GPN2: variants seen among roughly 807,000 people sequenced by gnomAD.
The protein encoded by GPN2 is GPN-loop GTPase 2.
A neutral mutation model predicts 30.1 loss-of-function variants in GPN2; 27 were observed. The observed-to-expected ratio is 0.90, with a 90% CI of 0.66 to 1.24. The LOEUF (loss-of-function observed/expected upper bound fraction) is 1.24. Among genes scored for constraint, GPN2 ranks in the 50% most tolerant of loss-of-function variants. GPN2 has a pLI of 0.00. For synonymous variants in GPN2, 212 were observed against 174.4 expected, an observed-to-expected ratio of 1.22 and a Z score of -1.70; for missense variants, 406 against 405.4, an observed-to-expected ratio of 1.00 and a Z score of -0.01.
chr1:26,885,816 T>C (rs2081887697), intron 3 of GPN2, among the ~76,000 whole-genome samples, 157 bp downstream of exon 3: 1 of 152,064 alleles, frequency 6.6e-6, no homozygotes, highest in South Asian at 2.1e-4. Flanking sequence ...CCTGACCTCA[T>C]GATCTGCCCA....
In GPN2 at chr1:26,890,084, C is replaced by G. The variant is rs748050314; in HGVS notation, c.13G>C (p.Ala5Pro). 2 of 1,530,028 alleles carry G rather than the reference C, an allele frequency of 1.3e-6. No homozygotes were observed. Among genetic ancestry groups the G allele is most frequent in the Non-Finnish European group, 1.7e-6 (2 of 1,145,266 alleles). The allele number at this position is 1,530,028 out of a possible 1,614,324, so 94.8% of individuals were successfully genotyped here. ...GCCTGCCCGAAGGCCGTGGTCGGAGCGGCCCCTGCCATTGGCGGCCCGCGG... is the reference window on the plus strand; with the variant it reads ...GCCTGCCCGAAGGCCGTGGTCGGAGGGGCCCCTGCCATTGGCGGCCCGCGG... MAGA[A>P]PTTAFGQAVI... is the part of the protein sequence containing the mutation. The change falls in exon 1 of 5, where the codon GCT becomes CCT. Residue 5 changes from alanine (A) to proline (P), a missense_variant. Transcript: ENST00000374135.
intron 2 of GPN2, chr1:26,886,372 A>G (rs1449537603): frequency 3.5e-6 from 2 of 564,354 alleles, no homozygotes; most frequent in Non-Finnish European, 6.7e-6. Context: ...TATAAACCCC[A>G]GTGTCTGGTA....
At chr1:26,889,635 C>G in intron 1 of GPN2, 51 bp downstream of exon 1, 1 of 1,510,306 alleles carries the variant, frequency 6.6e-7, no homozygotes. Flanking sequence ...TCTGTCCTCC[C>G]TGTCTCAGTT....
In GPN2 at chr1:26,884,680, T is replaced by C. The variant is rs575241026; in HGVS notation, c.730-390A>G. On this transcript the variant is annotated intron_variant, in intron 3 of 4. Transcript: ENST00000374135. Reference sequence around the variant, plus strand: ...TAAGTAGACATCCAATGAATATGCATGTTTTAAATCTATAACTGGGCCAGG... The same window carrying C: ...TAAGTAGACATCCAATGAATATGCACGTTTTAAATCTATAACTGGGCCAGG... Among the ~76,000 whole-genome samples the C allele has an allele frequency of 3.9e-5, 6 of 152,334 alleles. No homozygotes were observed. In the South Asian group the frequency reaches 1.2e-3, roughly 32 times the overall value.
chr1:26,885,467 CA>C (rs2081885697), intron 3 of GPN2, among the ~76,000 whole-genome samples: 1 of 151,240 alleles, frequency 6.6e-6, no homozygotes, highest in African/African-American at 2.4e-5. Context: ...ACAAAATAGA[CA>C]GGGCAAAAGT....
At chr1:26,881,605 C>A (rs961338061) in intron 4 of GPN2, among the ~76,000 whole-genome samples, 1 of 152,240 alleles carries the variant, frequency 6.6e-6, no homozygotes, top group Non-Finnish European at 1.5e-5. Context: ...CAGTGGCACA[C>A]GCCCATAGTC....
chr1:26,887,030 TA>T (rs1250056433), intron 2 of GPN2, among the ~76,000 whole-genome samples: 2 of 143,812 alleles, frequency 1.4e-5, no homozygotes, highest in African/African-American at 5.1e-5. Flanking sequence ...CAAATAATGA[TA>T]ACAAGTATGT....
At position 26,889,684 on chromosome 1, in the gene GPN2, A is replaced by G; in HGVS notation, c.411+2T>C. ...AATGGGCCTCCCCGCCCTGAGACGC[A>G]CCCTGAGGTCCCACTGCGCCATTTG... is the stretch of plus-strand genomic sequence containing the variant. On this transcript the variant is annotated splice_donor_variant, in intron 1 of 4. Transcript: ENST00000374135. LOFTEE classifies it high-confidence loss of function. The G allele has an allele frequency of 6.4e-7, 1 of 1,568,978 alleles. No individual in the cohort carries two copies. Among genetic ancestry groups the G allele is most frequent in the Non-Finnish European group, 8.7e-7 (1 of 1,154,004 alleles).
At chr1:26,884,463 A>C (rs886804433) in intron 3 of GPN2, 173 bp from the exon 4 acceptor site, 4 of 194,646 alleles carry the variant, frequency 2.1e-5, no homozygotes, top group African/African-American at 9.5e-5. Flanking sequence ...CTGACCACCA[A>C]CTCACTCAGA....
rs540464532 is a variant in GPN2 at position 26,881,318 on chromosome 1, A to C, written c.861-1569T>G. On this transcript the variant is annotated intron_variant, in intron 4 of 4. Transcript: ENST00000374135. Reference sequence around the variant, plus strand: ...TTCTTAGAACACTTACGTTAGCTGCATTTGGGCAAAATTATCTAACACAAA... The same window carrying C: ...TTCTTAGAACACTTACGTTAGCTGCCTTTGGGCAAAATTATCTAACACAAA... Among the ~76,000 whole-genome samples the C allele has an allele frequency of 2.2e-4, 33 of 152,316 alleles. No individual in the cohort carries two copies. In the South Asian group the frequency reaches 6.6e-3, roughly 31 times the overall value.
chr1:26,889,548 C>G, intron 1 of GPN2, 138 bp downstream of exon 1: 1 of 763,750 alleles, frequency 1.3e-6, no homozygotes, highest in Non-Finnish European at 2.2e-6. Flanking sequence ...AGTAGCAGAG[C>G]CAGATTCTGA....
chr1:26,887,962 G>A (rs372364004), intron 2 of GPN2, among the ~76,000 whole-genome samples: 46 of 147,946 alleles, frequency 3.1e-4, no homozygotes, highest in Non-Finnish European at 4.5e-4. Context: ...AGGTTCAAGC[G>A]ATTCTCCTGC....
In GPN2 at chr1:26,890,247, G is replaced by C; in HGVS notation, c.-151C>G. 1.5e-6 allele frequency: 1 copy of C among 671,830 alleles called. No homozygotes were observed. Among genetic ancestry groups the C allele is most frequent in the South Asian group, 2.2e-5 (1 of 45,152 alleles). 41.6% of individuals were successfully genotyped at this position (671,830 alleles called of 1,614,324 possible). A position where few individuals can be genotyped will look rare whatever the true frequency, so the allele number is the denominator to read the frequency against. Reference sequence around the variant, plus strand: ...CAGGCGGAACAGCTGAGACCGTGTCGCGCAAAAGGAGATAACAGGCCGATA... The same window carrying C: ...CAGGCGGAACAGCTGAGACCGTGTCCCGCAAAAGGAGATAACAGGCCGATA... On this transcript the variant is annotated 5_prime_UTR_variant, in exon 1 of 5. Coordinates refer to ENST00000374135, the MANE Select transcript of GPN2 (RefSeq NM_018066.4).
At chr1:26,879,771 C>T (rs962743095) in intron 4 of GPN2, 22 bp from the exon 5 acceptor site, 5 of 1,586,442 alleles carry the variant, frequency 3.2e-6, no homozygotes, top group Non-Finnish European at 4.3e-6. Flanking sequence ...TGCGTCAAGG[C>T]TGATAGCATA....
At position 26,890,231 on chromosome 1, in the gene GPN2, C is replaced by T; in HGVS notation, c.-135G>A. Reference sequence around the variant, plus strand: ...CCAGCGTCACTCGCCTCAGGCGGAACAGCTGAGACCGTGTCGCGCAAAAGG... The same window carrying T: ...CCAGCGTCACTCGCCTCAGGCGGAATAGCTGAGACCGTGTCGCGCAAAAGG... On this transcript the variant is annotated 5_prime_UTR_variant, in exon 1 of 5. Transcript: ENST00000374135. The T allele has an allele frequency of 1.4e-6, 1 of 740,018 alleles. No homozygotes were observed. Among genetic ancestry groups the T allele is most frequent in the Non-Finnish European group, 2.1e-6 (1 of 474,748 alleles). 45.8% of individuals were successfully genotyped at this position (740,018 alleles called of 1,614,324 possible). A position where few individuals can be genotyped will look rare whatever the true frequency, so the allele number is the denominator to read the frequency against.
intron 1 of GPN2, 47 bp from the exon 2 acceptor site, chr1:26,889,172 C>A: frequency 1.4e-6 from 2 of 1,475,364 alleles, no homozygotes; most frequent in Admixed American, 1.7e-5. Flanking sequence ...AAACAGGGAT[C>A]AGCATTCCCT....
chr1:26,879,920 T>G (rs1299156700), intron 4 of GPN2, among the ~76,000 whole-genome samples, 171 bp from the exon 5 acceptor site: 1 of 152,190 alleles, frequency 6.6e-6, no homozygotes, highest in African/African-American at 2.4e-5. Flanking sequence ...CAGACTCAAA[T>G]GCTCCTCTAT....
At chr1:26,884,666 C>G (rs1000539022) in intron 3 of GPN2, among the ~76,000 whole-genome samples, 10 of 152,184 alleles carry the variant, frequency 6.6e-5, no homozygotes, top group Non-Finnish European at 1.0e-4. Flanking sequence ...AAGTAGACAT[C>G]CAATGAATAT....
In GPN2 at chr1:26,879,510, C is replaced by T; in HGVS notation, c.*167G>A. ...GTATGGGGGGTGTTCTGCTTGGCAC[C>T]ATGTCTGGCTTTTTGGCCAGAAGTC... On this transcript the variant is annotated 3_prime_UTR_variant, in exon 5 of 5. Coordinates refer to ENST00000374135, the MANE Select transcript of GPN2 (RefSeq NM_018066.4). 1.6e-6 allele frequency: 1 copy of T among 625,454 alleles called. No individual in the cohort carries two copies. Among genetic ancestry groups the T allele is most frequent in the East Asian group, 2.8e-5 (1 of 36,084 alleles). The allele number at this position is 625,454 out of a possible 1,614,324, so 38.7% of individuals were successfully genotyped here. A position where few individuals can be genotyped will look rare whatever the true frequency, so the allele number is the denominator to read the frequency against.
Sources: allele counts gnomAD v4.1 joint callset (sites outside exome capture counted in the v4.1 genomes callset), GRCh38; gene constraint gnomAD v4.1.1; transcripts MANE v1.5; gene names NCBI Gene and HGNC (gene_info 2026-07-23, HGNC 2026-07-21).